Variants in FAM20B observed in about 807,000 individuals in gnomAD.
FAM20B encodes FAM20B glycosaminoglycan xylosylkinase.
Under a neutral mutation model 43.8 loss-of-function variants are expected in FAM20B, and 23 were observed. The ratio of observed to expected loss-of-function variants is 0.53; its 90% confidence interval spans 0.38 to 0.74. FAM20B has a LOEUF of 0.74. FAM20B is among the 30% of genes least tolerant of loss of function. The pLI, the probability that FAM20B is intolerant of heterozygous loss-of-function variation, is 0.00. For missense variants in FAM20B, 440 were observed against 510.5 expected (o/e 0.86, Z 1.33); for synonymous variants, 178 against 192.4 (o/e 0.93, Z 0.62).
intron 1 of FAM20B, among the ~76,000 whole-genome samples, chr1:179,032,225 G>T (rs1572527979): frequency 6.6e-6 from 1 of 151,214 alleles, no homozygotes; most frequent in Non-Finnish European, 1.5e-5. Context: ...GGTCATCTGG[G>T]TTTTTGATAT....
intron 5 of FAM20B, 48 bp from the exon 6 acceptor site, chr1:179,064,257 G>A: frequency 6.7e-7 from 1 of 1,503,010 alleles, no homozygotes; most frequent in Non-Finnish European, 9.1e-7. Context: ...GTGTAACAGT[G>A]CCAGGTACAG....
chr1:179,062,155 C>T (rs1236251613), intron 4 of FAM20B, among the ~76,000 whole-genome samples: 1 of 152,096 alleles, frequency 6.6e-6, no homozygotes, highest in Non-Finnish European at 1.5e-5. Flanking sequence ...TACAGGTGCA[C>T]ACCACTACTC....
At chr1:179,052,087 T>C (rs915799797) in intron 3 of FAM20B, among the ~76,000 whole-genome samples, 3 of 152,216 alleles carry the variant, frequency 2.0e-5, no homozygotes, top group Non-Finnish European at 2.9e-5. Flanking sequence ...AATGAACTTA[T>C]ATAGCAAGAG....
chr1:179,075,156 C>G lies in FAM20B; in HGVS notation c.*3012C>G, dbSNP rs577491602. 2.0e-5 allele frequency: 3 copies of G among 151,492 alleles called. No individual in the cohort carries two copies. The East Asian group carries it at 5.8e-4, about 29-fold the overall frequency. The allele number at this position is 151,492 out of a possible 1,614,324, so 9.4% of individuals were successfully genotyped here. On this transcript the variant is annotated 3_prime_UTR_variant, in exon 8 of 8. Coordinates refer to ENST00000263733, the MANE Select transcript of FAM20B (RefSeq NM_014864.4). ...GCAGTGAGCTGAGATTGTGCTGCTG[C>G]ACTCCAGCCTGGGAGACAGAGCGAG...
chr1:179,025,233 C>A (rs928792430), upstream of FAM20B, among the ~76,000 whole-genome samples: 1 of 152,210 alleles, frequency 6.6e-6, no homozygotes, highest in Non-Finnish European at 1.5e-5. Flanking sequence ...CTGACCTGCC[C>A]TCATGGGGCT....
At chr1:179,057,868 G>A (rs543641770) in intron 4 of FAM20B, among the ~76,000 whole-genome samples, 82 of 152,208 alleles carry the variant, frequency 5.4e-4, no homozygotes, top group African/African-American at 2.0e-3. Context: ...AGAAGTTATG[G>A]CCAGGTGATA....
intron 1 of FAM20B, among the ~76,000 whole-genome samples, chr1:179,031,038 A>G (rs926718212): frequency 1.3e-5 from 2 of 152,166 alleles, no homozygotes; most frequent in Non-Finnish European, 2.9e-5. Flanking sequence ...TGTCAGCTTG[A>G]CGTACCATAG....
intron 4 of FAM20B, among the ~76,000 whole-genome samples, chr1:179,058,745 C>T (rs1242691931): frequency 6.6e-6 from 1 of 152,108 alleles, no homozygotes; most frequent in Admixed American, 6.5e-5. Context: ...TGAGAGCACT[C>T]TGGGAGTGTT....
At chr1:179,022,930 T>C (rs1338204637), upstream of FAM20B, among the ~76,000 whole-genome samples, 2 of 152,180 alleles carry the variant, frequency 1.3e-5, no homozygotes, top group Non-Finnish European at 2.9e-5. Context: ...CTGAGAGCTG[T>C]ATAACATTTT....
At chr1:179,029,009 C>T (rs1202827521) in intron 1 of FAM20B, among the ~76,000 whole-genome samples, 3 of 152,224 alleles carry the variant, frequency 2.0e-5, no homozygotes, top group African/African-American at 7.2e-5. Context: ...TGGAGCCTGG[C>T]AGTAGCCTGT....
chr1:179,032,117 A>G (rs760760705), intron 1 of FAM20B, among the ~76,000 whole-genome samples: 1 of 152,194 alleles, frequency 6.6e-6, no homozygotes, highest in Non-Finnish European at 1.5e-5. Context: ...TAGTAATGCA[A>G]TGTGTGGATT....
intron 1 of FAM20B, among the ~76,000 whole-genome samples, chr1:179,039,944 A>G (rs1054893548): frequency 3.3e-5 from 5 of 152,160 alleles, no homozygotes; most frequent in African/African-American, 9.7e-5. Context: ...CTTAACGAGC[A>G]TGCTGCCTTC....
At chr1:179,063,733 C>A (rs1651570153) in intron 4 of FAM20B, among the ~76,000 whole-genome samples, 194 bp from the exon 5 acceptor site, 1 of 152,120 alleles carries the variant, frequency 6.6e-6, no homozygotes, top group Non-Finnish European at 1.5e-5. Flanking sequence ...TCCTTTTGTA[C>A]TTTTTAAATT....
upstream of FAM20B, among the ~76,000 whole-genome samples, chr1:179,022,945 G>C (rs1253131163): frequency 3.9e-5 from 6 of 152,248 alleles, no homozygotes; most frequent in Non-Finnish European, 8.8e-5. Context: ...CATTTTTACA[G>C]GTGGGAGTGA....
chr1:179,042,828 C>T (rs574562247), intron 1 of FAM20B, among the ~76,000 whole-genome samples: 6 of 152,148 alleles, frequency 3.9e-5, no homozygotes, highest in Non-Finnish European at 8.8e-5. Context: ...GCAGGTTGTC[C>T]GGATATCTGT....
chr1:179,058,842 T>C (rs1651337665), intron 4 of FAM20B, among the ~76,000 whole-genome samples: 1 of 152,080 alleles, frequency 6.6e-6, no homozygotes, highest in Admixed American at 6.6e-5. Flanking sequence ...TGGAAAGAAT[T>C]TGGTGAACAT....
At chr1:179,019,525 C>T in the FAM20B span, among the ~76,000 whole-genome samples, 3 of 150,814 alleles carry the variant, frequency 2.0e-5, no homozygotes, top group Non-Finnish European at 2.9e-5. Context: ...TGCAATGGCA[C>T]GATCTTGGCT....
chr1:179,057,615 A>G (rs1019968085), intron 4 of FAM20B, among the ~76,000 whole-genome samples: 17 of 152,196 alleles, frequency 1.1e-4, no homozygotes, highest in Non-Finnish European at 8.8e-5. Context: ...TCACAAAACT[A>G]CTAATTGTTA....
At chr1:179,046,926 C>T (rs540096100) in intron 2 of FAM20B, among the ~76,000 whole-genome samples, 7 of 152,050 alleles carry the variant, frequency 4.6e-5, no homozygotes, top group Admixed American at 1.3e-4. Flanking sequence ...AACCCGGAGG[C>T]GGAGGTTGTA....
Sources: allele counts gnomAD v4.1 joint callset (sites outside exome capture counted in the v4.1 genomes callset), GRCh38; gene constraint gnomAD v4.1.1; transcripts MANE v1.5; gene names NCBI Gene and HGNC (gene_info 2026-07-23, HGNC 2026-07-21).